SCML1: variants seen among roughly 807,000 people sequenced by gnomAD.
The protein encoded by SCML1 is Scm polycomb group protein like 1.
For synonymous variants in SCML1, 104 were observed against 103.6 expected, an observed-to-expected ratio of 1.00 and a Z score of -0.02; for missense variants, 137 against 258.1, an observed-to-expected ratio of 0.53 and a Z score of 3.22.
At chrX:17,745,707 C>T (rs2066636515) in intron 3 of SCML1, 168 bp downstream of exon 3, 3 of 392,303 alleles carry the variant, frequency 7.6e-6, no homozygotes, top group Admixed American at 5.2e-5. Flanking sequence ...AACCAATTTA[C>T]TTTCCCCTTT....
chrX:17,745,980 C>T (rs753642563), intron 3 of SCML1, 38 bp from the exon 4 acceptor site: 5 of 930,593 alleles, frequency 5.4e-6, no homozygotes, highest in Non-Finnish European at 7.6e-6. Flanking sequence ...TTGGCTGTTA[C>T]AGAAATAAAT....
chrX:17,737,159 G>A (rs2066541130), upstream of SCML1, among the ~76,000 whole-genome samples: 1 of 110,770 alleles, frequency 9.0e-6, no homozygotes, highest in African/African-American at 3.3e-5. Context: ...AAGGCCTAAC[G>A]TCCATTTTCA....
At chrX:17,751,534 C>A (rs1164251607) in intron 6 of SCML1, among the ~76,000 whole-genome samples, 1 of 112,226 alleles carries the variant, frequency 8.9e-6, no homozygotes, top group Non-Finnish European at 1.9e-5. Flanking sequence ...ACTTGGTTTA[C>A]TTAGTCTGTT....
intron 7 of SCML1, among the ~76,000 whole-genome samples, 181 bp from the exon 8 acceptor site, chrX:17,753,077 C>T (rs760208682): frequency 9.1e-6 from 1 of 110,088 alleles, no homozygotes; most frequent in Admixed American, 9.8e-5. Flanking sequence ...CATTACCAAA[C>T]GGTGCTTCAC....
rs1037400560 is a variant in SCML1, at chrX:17,749,968, G to A, written c.378G>A (p.Glu126=). 4 of 1,210,097 alleles carry A rather than the reference G, an allele frequency of 3.3e-6. No individual in the cohort carries two copies. Among genetic ancestry groups the A allele is most frequent in the Non-Finnish European group, 4.5e-6 (4 of 894,217 alleles). The change falls in exon 6 of 8, where the codon GAG becomes GAA. Residue 126 remains glutamate (E), a synonymous_variant. Coordinates refer to ENST00000380041, the MANE Select transcript of SCML1 (RefSeq NM_001037540.3). ...AACTCCAGAAAATGAAGAAAAATGA[G>A]GTTTACGAGACATTCTCCTACCCTG... ...KLKLQKMKKN[E]VYETFSYPES...
chrX:17,744,515 T>G (rs1601874161), intron 2 of SCML1: 3 of 204,222 alleles, frequency 1.5e-5, no homozygotes, highest in African/African-American at 8.9e-5. Context: ...TTGTGCTGTT[T>G]TTACATTTCT....
rs569799172 is a variant in SCML1 at position 17,746,073 on chromosome X, T to C, written c.173T>C (p.Val58Ala). The part of the protein sequence containing the change: ...SCNTEEQLKT[V>A]DDVLIHCQVI... ...AATACTGAAGAGCAACTGAAGACAGTTGATGATGTCCTTATTCATTGCCAG... is the reference window on the plus strand; with the variant it reads ...AATACTGAAGAGCAACTGAAGACAGCTGATGATGTCCTTATTCATTGCCAG... Residue 58 changes from valine (V) to alanine (A), a missense_variant, in exon 4 of 8, where the codon GTT becomes GCT. Coordinates refer to ENST00000380041, the MANE Select transcript of SCML1 (RefSeq NM_001037540.3). 8.5e-7 allele frequency: 1 copy of C among 1,174,368 alleles called. No homozygotes were observed. The highest frequency in any genetic ancestry group is 1.2e-6 in the Non-Finnish European group (1 of 866,983).
At chrX:17,745,202 A>G (rs924841841) in intron 2 of SCML1, 2 of 243,509 alleles carry the variant, frequency 8.2e-6, no homozygotes, top group East Asian at 6.8e-5. Flanking sequence ...CTAAAGGACT[A>G]GTCTTTCTAC....
chrX:17,743,189 C>G (rs895749542), intron 1 of SCML1, among the ~76,000 whole-genome samples: 2 of 112,007 alleles, frequency 1.8e-5, no homozygotes, highest in Non-Finnish European at 3.8e-5. Flanking sequence ...GTTTATCTAA[C>G]TCGAGTTAGT....
intron 4 of SCML1, among the ~76,000 whole-genome samples, chrX:17,748,588 T>A (rs985951200): frequency 9.0e-6 from 1 of 110,712 alleles, no homozygotes; most frequent in Non-Finnish European, 1.9e-5. Context: ...AAGGTTTAGT[T>A]GAATGAGTGA....
At chrX:17,739,255 G>A (rs2066570444) in intron 1 of SCML1, among the ~76,000 whole-genome samples, 1 of 112,234 alleles carries the variant, frequency 8.9e-6, no homozygotes, top group African/African-American at 3.2e-5. Flanking sequence ...AGATTTAAAA[G>A]TGAAATTAAT....
rs184263442 is a variant in SCML1, at chrX:17,750,532, T to C, written c.703+239T>C. The stretch of plus-strand genomic sequence containing the variant: ...GGCTGGTTTTAGGTGATATTCAGAA[T>C]GATGACTAACATTTATTCAATGCAT... On this transcript the variant is annotated intron_variant, in intron 6 of 7. Coordinates refer to ENST00000380041, the MANE Select transcript of SCML1 (RefSeq NM_001037540.3). 2.7e-5 allele frequency among the ~76,000 whole-genome samples: 3 copies of C among 112,660 alleles called. No homozygotes were observed. In the East Asian group the frequency reaches 8.4e-4, roughly 31 times the overall value.
At chrX:17,746,747 G>A (rs1211033856) in intron 4 of SCML1, among the ~76,000 whole-genome samples, 1 of 112,052 alleles carries the variant, frequency 8.9e-6, no homozygotes, top group Non-Finnish European at 1.9e-5. Context: ...TACAGTCTTG[G>A]GGGGAAGTGG....
intron 1 of SCML1, among the ~76,000 whole-genome samples, chrX:17,739,584 C>T (rs898866613): frequency 2.7e-5 from 3 of 110,674 alleles, no homozygotes; most frequent in Non-Finnish European, 5.7e-5. Flanking sequence ...CGCGGTGGCT[C>T]ACACCTGTAA....
chrX:17,738,494 C>A lies in SCML1; in HGVS notation c.-117+814C>A, dbSNP rs1370289173. On this transcript the variant is annotated intron_variant, in intron 1 of 7. Transcript: ENST00000380041. ...TTTTGGGCCTCACTTGTCCGGCCTG[C>A]GGCAAGTGCTGGGCGATGGGATGCG... Among the ~76,000 whole-genome samples, 4 of 112,482 alleles carry A rather than the reference C, an allele frequency of 3.6e-5. No individual in the cohort carries two copies. In the South Asian group the frequency reaches 1.1e-3, roughly 31 times the overall value.
chrX:17,743,247 G>A (rs754335730), intron 1 of SCML1, among the ~76,000 whole-genome samples: 2 of 111,409 alleles, frequency 1.8e-5, no homozygotes, highest in East Asian at 5.6e-4. Context: ...TGGGTTCATG[G>A]TCATTAGTAT....
intron 1 of SCML1, among the ~76,000 whole-genome samples, chrX:17,741,654 ATTG>A (rs1268317472): frequency 1.8e-5 from 2 of 111,715 alleles, no homozygotes; most frequent in African/African-American, 6.5e-5. Context: ...TGTTGTCGTC[ATTG>A]TTGTTGTTCT....
In SCML1 at chrX:17,750,218, TGCCTTG is replaced by T; in HGVS notation, c.631_636del (p.Leu211_Gly212del). ...AACGTATGGTTCTTCTTCAGGGCTC[TGCCTTG>T]GCAACCCTCGGGCTGACAGCATCCA... On this transcript the variant is annotated inframe_deletion, in exon 6 of 8. Coordinates refer to ENST00000380041, the MANE Select transcript of SCML1 (RefSeq NM_001037540.3). 8.2e-7 allele frequency: 1 copy of T among 1,212,208 alleles called. No individual in the cohort carries two copies. The highest frequency in any genetic ancestry group is 1.1e-6 in the Non-Finnish European group (1 of 895,568).
In SCML1 at chrX:17,753,710, C is replaced by G. The variant is rs1385838880; in HGVS notation, c.*318C>G. On this transcript the variant is annotated 3_prime_UTR_variant, in exon 8 of 8. Coordinates refer to ENST00000380041, the MANE Select transcript of SCML1 (RefSeq NM_001037540.3). Reference sequence around the variant, plus strand: ...AAAAAAAAACCCTTTGATTCTGGTTCATCTCGATACAGAGAACCAAAACAG... The same window carrying G: ...AAAAAAAAACCCTTTGATTCTGGTTGATCTCGATACAGAGAACCAAAACAG... 1 of 112,690 alleles carries G rather than the reference C, an allele frequency of 8.9e-6. No homozygotes were observed. The highest frequency in any genetic ancestry group is 3.3e-5 in the African/African-American group (1 of 30,202). The allele number at this position is 112,690 out of a possible 1,213,427, so 9.3% of individuals were successfully genotyped here.
Sources: gnomAD v4.1 joint callset for allele counts (sites outside exome capture counted in the v4.1 genomes callset) on GRCh38, gnomAD v4.1.1 for gene constraint, MANE v1.5 for transcripts, NCBI Gene and HGNC (gene_info 2026-07-23, HGNC 2026-07-21) for gene names.